The following CPEB1 variants were observed in gnomAD, a reference collection of about 807,000 sequenced individuals.
CPEB1 encodes cytoplasmic polyadenylation element binding protein 1.
A neutral mutation model predicts 65.8 loss-of-function variants in CPEB1; 7 were observed. That is an observed-to-expected ratio of 0.11 (90% CI 0.06 to 0.20). The LOEUF (loss-of-function observed/expected upper bound fraction) is 0.20. Ranked by LOEUF, CPEB1 falls within the 10% of genes least tolerant of loss-of-function variation. The pLI, the probability that CPEB1 is intolerant of heterozygous loss-of-function variation, is 1.00. For synonymous variants in CPEB1, 262 were observed against 260.0 expected, an observed-to-expected ratio of 1.01 and a Z score of -0.08; for missense variants, 551 against 712.2, an observed-to-expected ratio of 0.77 and a Z score of 2.58.
chr15:82,605,500 T>C (rs563564584), intron 3 of CPEB1, among the ~76,000 whole-genome samples: 4 of 152,290 alleles, frequency 2.6e-5, no homozygotes, highest in Admixed American at 6.5e-5. Context: ...TATAGTTGTA[T>C]ACAACTATAC....
At chr15:82,575,229 G>C (rs1282431408) in intron 3 of CPEB1, among the ~76,000 whole-genome samples, 1 of 152,096 alleles carries the variant, frequency 6.6e-6, no homozygotes, top group Non-Finnish European at 1.5e-5. Context: ...AATTCATTGG[G>C]GAAAAACTTT....
intron 3 of CPEB1, among the ~76,000 whole-genome samples, chr15:82,576,755 G>T (rs2040694583): frequency 6.6e-6 from 1 of 152,184 alleles, no homozygotes; most frequent in South Asian, 2.1e-4. Context: ...GGGTGTGGTG[G>T]CTCATACGTG....
At chr15:82,642,586 A>G (rs1269152882) in intron 1 of CPEB1, among the ~76,000 whole-genome samples, 1 of 152,218 alleles carries the variant, frequency 6.6e-6, no homozygotes, top group Non-Finnish European at 1.5e-5. Flanking sequence ...AAGGCTTAAG[A>G]AACGGTAAAG....
chr15:82,563,057 A>G (rs766234613), intron 4 of CPEB1, among the ~76,000 whole-genome samples: 4 of 152,244 alleles, frequency 2.6e-5, no homozygotes, highest in Non-Finnish European at 4.4e-5. Flanking sequence ...ATATAAAAAA[A>G]GAATGGTAAG....
At chr15:82,608,675 T>C (rs1393494087) in intron 3 of CPEB1, among the ~76,000 whole-genome samples, 1 of 152,238 alleles carries the variant, frequency 6.6e-6, no homozygotes, top group East Asian at 1.9e-4. Context: ...ATTGTGACAA[T>C]TTTTTGCTAG....
intron 1 of CPEB1, chr15:82,633,275 T>C (rs1335637087): frequency 6.6e-6 from 1 of 152,234 alleles, no homozygotes; most frequent in Non-Finnish European, 1.5e-5. Context: ...AACAATTGTT[T>C]AATGCTAATG....
chr15:82,646,859 C>G (rs1418050687), intron 1 of CPEB1, among the ~76,000 whole-genome samples: 5 of 152,152 alleles, frequency 3.3e-5, no homozygotes, highest in African/African-American at 9.6e-5. Flanking sequence ...TCAGGTGACT[C>G]CAGGCGGGCA....
At chr15:82,645,824 C>A (rs908825551) in intron 1 of CPEB1, among the ~76,000 whole-genome samples, 1 of 151,864 alleles carries the variant, frequency 6.6e-6, no homozygotes, top group Non-Finnish European at 1.5e-5. Context: ...GCCAAGATCG[C>A]GAGACTGCAT....
chr15:82,626,360 G>C (rs2045774128), intron 3 of CPEB1, among the ~76,000 whole-genome samples: 1 of 151,324 alleles, frequency 6.6e-6, no homozygotes, highest in African/African-American at 2.4e-5. Context: ...CTTGAACCAG[G>C]GAGTTGGAGG....
At chr15:82,607,655 A>G (rs1024982318) in intron 3 of CPEB1, among the ~76,000 whole-genome samples, 1 of 152,212 alleles carries the variant, frequency 6.6e-6, no homozygotes, top group Admixed American at 6.5e-5. Flanking sequence ...TACCCTGCAA[A>G]TAATAACCAA....
intron 3 of CPEB1, among the ~76,000 whole-genome samples, chr15:82,589,459 T>C (rs924409072): frequency 6.6e-6 from 1 of 152,188 alleles, no homozygotes; most frequent in African/African-American, 2.4e-5. Context: ...AATTTGAAAT[T>C]GTGGCCAGGC....
chr15:82,573,117 C>A (rs922027466), intron 3 of CPEB1: 1 of 1,535,514 alleles, frequency 6.5e-7, no homozygotes, highest in Admixed American at 2.0e-5. Flanking sequence ...ATGGCAGGGT[C>A]GAGAGAATAA....
rs1555452057 is a variant in CPEB1 at position 82,544,281 on chromosome 15, T to TTG, written c.*310_*311insCA. On this transcript the variant is annotated 3_prime_UTR_variant, in exon 13 of 13. Transcript: ENST00000684509. ...ACCTTCTGGACACGTAGTTTTTTTTTTTTTTTTTTTTTTCCCCGCTTTTCA... is the reference window on the plus strand; with the variant it reads ...ACCTTCTGGACACGTAGTTTTTTTTTTGTTTTTTTTTTTTTCCCCGCTTTTCA... The TTG allele has an allele frequency of 2.2e-5, 5 of 222,480 alleles. No individual in the cohort carries two copies. Among genetic ancestry groups the TTG allele is most frequent in the Admixed American group, 5.4e-5 (1 of 18,686 alleles). The allele number at this position is 222,480 out of a possible 1,614,324, so 13.8% of individuals were successfully genotyped here.
At chr15:82,572,689 A>C (rs2040205292) in intron 3 of CPEB1, among the ~76,000 whole-genome samples, 1 of 152,104 alleles carries the variant, frequency 6.6e-6, no homozygotes, top group African/African-American at 2.4e-5. Flanking sequence ...CTGAAACCTA[A>C]TCACCTAGCT....
chr15:82,589,721 C>CAA (rs545143207), intron 3 of CPEB1, among the ~76,000 whole-genome samples: 3 of 139,432 alleles, frequency 2.2e-5, no homozygotes, highest in Non-Finnish European at 3.1e-5. Flanking sequence ...ACTCCAACTC[C>CAA]AAAAAAAAAA....
At chr15:82,551,083 C>A (rs559105610) in intron 9 of CPEB1, among the ~76,000 whole-genome samples, 2 of 152,216 alleles carry the variant, frequency 1.3e-5, no homozygotes, top group African/African-American at 4.8e-5. Flanking sequence ...GGGAAGACTA[C>A]ACAAGCTCCA....
chr15:82,563,890 C>A (rs1023611955), intron 4 of CPEB1, among the ~76,000 whole-genome samples: 3 of 151,768 alleles, frequency 2.0e-5, no homozygotes, highest in Non-Finnish European at 2.9e-5. Flanking sequence ...TTGCCTCTTT[C>A]AAGGTAACTT....
intron 3 of CPEB1, among the ~76,000 whole-genome samples, chr15:82,622,526 G>A (rs529532152): frequency 3.3e-5 from 5 of 151,994 alleles, no homozygotes; most frequent in South Asian, 2.1e-4. Flanking sequence ...TCAGCCTCCC[G>A]GACTACAGGC....
At chr15:82,573,468 A>G (rs528558058) in intron 3 of CPEB1, among the ~76,000 whole-genome samples, 1 of 152,056 alleles carries the variant, frequency 6.6e-6, no homozygotes, top group African/African-American at 2.4e-5. Flanking sequence ...TCACCCATAC[A>G]TATTAGTTAC....
Sources: allele counts gnomAD v4.1 joint callset (sites outside exome capture counted in the v4.1 genomes callset), GRCh38; gene constraint gnomAD v4.1.1; transcripts MANE v1.5; gene names NCBI Gene and HGNC (gene_info 2026-07-23, HGNC 2026-07-21).